The following MRPL48 variants were observed in gnomAD, a reference collection of about 807,000 sequenced individuals.
MRPL48 encodes mitochondrial ribosomal protein L48.
MRPL48 carries 16 observed loss-of-function variants against 32.9 expected under a neutral mutation model. That is an observed-to-expected ratio of 0.49 (90% CI 0.33 to 0.74). MRPL48 has a LOEUF of 0.74. MRPL48 is among the 30% of genes least tolerant of loss of function. MRPL48 has a pLI of 0.02. For missense variants in MRPL48, 206 were observed against 245.3 expected (o/e 0.84, Z 1.07); for synonymous variants, 94 against 89.2 (o/e 1.05, Z -0.31).
intron 4 of MRPL48, among the ~76,000 whole-genome samples, chr11:73,836,319 C>A (rs369365800): frequency 2.6e-5 from 4 of 151,970 alleles, no homozygotes; most frequent in Non-Finnish European, 5.9e-5. Flanking sequence ...CCTCAGCTTC[C>A]CAAGTAGATG....
rs11352308 is a variant in MRPL48, at chr11:73,788,472, CTTT to C, written c.21+500_21+502del. Reference sequence around the variant, plus strand: ...AAACTAGGTTTTTGTTCTTTTCTTTCTTTTTTTTTTTTTTTTTTTTTTGACGGA... The same window carrying C: ...AAACTAGGTTTTTGTTCTTTTCTTTCTTTTTTTTTTTTTTTTTTTGACGGA... On this transcript the variant is annotated intron_variant, in intron 1 of 7. Coordinates refer to ENST00000310614, the MANE Select transcript of MRPL48 (RefSeq NM_016055.6). Among the ~76,000 whole-genome samples the C allele has an allele frequency of 2.3e-3, 255 of 109,590 alleles. No individual in the cohort carries two copies. In the Middle Eastern group the frequency reaches 0.028, roughly 12 times the overall value. 71.9% of individuals were successfully genotyped at this position (109,590 alleles called of 152,430 possible).
chr11:73,801,164 G>A (rs1947357552), intron 1 of MRPL48, among the ~76,000 whole-genome samples: 1 of 152,252 alleles, frequency 6.6e-6, no homozygotes, highest in South Asian at 2.1e-4. Context: ...CTTGGTTATT[G>A]TACAGACTCA....
chr11:73,844,494 G>A (rs1948250617), intron 4 of MRPL48, among the ~76,000 whole-genome samples: 1 of 152,120 alleles, frequency 6.6e-6, no homozygotes, highest in Admixed American at 6.6e-5. Context: ...GTAATAGAAG[G>A]CCAGAAATGG....
intron 4 of MRPL48, among the ~76,000 whole-genome samples, chr11:73,835,531 G>A (rs1266978223): frequency 6.6e-6 from 1 of 152,134 alleles, no homozygotes; most frequent in Non-Finnish European, 1.5e-5. Flanking sequence ...TTGGAAATTG[G>A]GACCATGCTT....
chr11:73,792,090 G>A (rs1030545017), intron 1 of MRPL48, among the ~76,000 whole-genome samples: 1 of 152,280 alleles, frequency 6.6e-6, no homozygotes, highest in Middle Eastern at 3.4e-3. Flanking sequence ...GAGAAGCCCA[G>A]CTTTGCTAGA....
chr11:73,854,643 C>T (rs2135077107), intron 5 of MRPL48, among the ~76,000 whole-genome samples: 1 of 152,236 alleles, frequency 6.6e-6, no homozygotes, highest in Non-Finnish European at 1.5e-5. Flanking sequence ...TTACATCTGG[C>T]TAAGTGGTCA....
At chr11:73,845,432 T>C (rs1565106518) in intron 5 of MRPL48, among the ~76,000 whole-genome samples, 1 of 152,224 alleles carries the variant, frequency 6.6e-6, no homozygotes, top group Non-Finnish European at 1.5e-5. Context: ...CATAATGTTA[T>C]ACAAGCATCA....
At chr11:73,827,669 A>C (rs1158917888) in intron 4 of MRPL48, among the ~76,000 whole-genome samples, 1 of 152,198 alleles carries the variant, frequency 6.6e-6, no homozygotes. Context: ...CTCCCACGCA[A>C]CCACACATAT....
chr11:73,857,587 CTTTTTTTTTTTTTTT>C (rs56265503), intron 5 of MRPL48, among the ~76,000 whole-genome samples: 1 of 88,636 alleles, frequency 1.1e-5, no homozygotes, highest in Non-Finnish European at 2.0e-5. Context: ...GCCGCATAGA[CTTTTTTTTTTTTTTT>C]TTTTTTTTTT....
At chr11:73,824,959 G>A (rs745559090) in intron 3 of MRPL48, among the ~76,000 whole-genome samples, 20 of 152,064 alleles carry the variant, frequency 1.3e-4, no homozygotes, top group Non-Finnish European at 2.5e-4. Flanking sequence ...ACCAACAAGA[G>A]GTCAGCTACC....
intron 1 of MRPL48, among the ~76,000 whole-genome samples, chr11:73,801,316 C>T (rs573007011): frequency 1.3e-5 from 2 of 152,170 alleles, no homozygotes; most frequent in East Asian, 1.9e-4. Flanking sequence ...TAATAGATCC[C>T]GGCCCTGGAG....
intron 5 of MRPL48, among the ~76,000 whole-genome samples, chr11:73,849,900 C>A (rs1053328873): frequency 3.3e-5 from 5 of 152,138 alleles, no homozygotes; most frequent in African/African-American, 9.7e-5. Flanking sequence ...GAGTTTGAGA[C>A]CAGCCTGGGC....
chr11:73,859,799 T>C (rs1412291918), intron 5 of MRPL48, 108 bp from the exon 6 acceptor site: 2 of 853,638 alleles, frequency 2.3e-6, no homozygotes, highest in African/African-American at 3.4e-5. Flanking sequence ...ATCCCCTACA[T>C]TCCGGGAACT....
At chr11:73,851,163 C>A (rs1948383709) in intron 5 of MRPL48, 1 of 440,298 alleles carries the variant, frequency 2.3e-6, no homozygotes, top group African/African-American at 2.1e-5. Context: ...ATTCCTGGAA[C>A]TGGGCAAACT....
rs1392639968 is a variant in MRPL48, at chr11:73,825,708, G to A, written c.113G>A (p.Gly38Asp). 1.3e-6 allele frequency: 2 copies of A among 1,557,438 alleles called. No homozygotes were observed. Among genetic ancestry groups the A allele is most frequent in the Admixed American group, 1.9e-5 (1 of 51,408 alleles). The change falls in exon 4 of 8, where the codon GGT becomes GAT. Residue 38 changes from glycine to aspartate, a missense_variant and splice_region_variant. Transcript: ENST00000310614. ...TSGEKPIYSV[G>D]GILLSISRPY... ...GTTTGTCTTATTTTCTCTCTTTTAG[G>A]TGGAATTCTACTAAGTATCAGTCGG...
intron 3 of MRPL48, among the ~76,000 whole-genome samples, chr11:73,811,946 C>T (rs1349588076): frequency 1.3e-5 from 2 of 152,040 alleles, no homozygotes; most frequent in African/African-American, 2.4e-5. Flanking sequence ...AGTGCAATGG[C>T]GAGATCTTGG....
intron 4 of MRPL48, 49 bp from the exon 5 acceptor site, chr11:73,844,758 A>T (rs769036886): frequency 1.9e-6 from 3 of 1,539,050 alleles, no homozygotes; most frequent in Non-Finnish European, 2.6e-6. Flanking sequence ...TATTATTAGA[A>T]TTTCTTGTAT....
intron 1 of MRPL48, among the ~76,000 whole-genome samples, chr11:73,792,224 G>A (rs1466530449): frequency 1.3e-5 from 2 of 152,168 alleles, no homozygotes; most frequent in Non-Finnish European, 2.9e-5. Context: ...ATGGCAGGAT[G>A]GTATCTAGGG....
rs959166739 is a variant in MRPL48 at position 73,825,300 on chromosome 11, G to A, written c.113-408G>A. ...TTTTTATATATGTGTGTGTGTGTGTGTGTGTGTGTGTGTGTGTGTGTGTAT... is the reference window on the plus strand; with the variant it reads ...TTTTTATATATGTGTGTGTGTGTGTATGTGTGTGTGTGTGTGTGTGTGTAT... On this transcript the variant is annotated intron_variant, in intron 3 of 7. Transcript: ENST00000310614. 1.5e-3 allele frequency among the ~76,000 whole-genome samples: 234 copies of A among 151,144 alleles called. 1 individual carries two copies. The highest frequency in any genetic ancestry group is 5.2e-3 in the African/African-American group (216 of 41,196).
Sources: gnomAD v4.1 joint callset for allele counts (sites outside exome capture counted in the v4.1 genomes callset) on GRCh38, gnomAD v4.1.1 for gene constraint, MANE v1.5 for transcripts, NCBI Gene and HGNC (gene_info 2026-07-23, HGNC 2026-07-21) for gene names.